The following SORCS3 variants were observed in gnomAD, a reference collection of about 807,000 sequenced individuals.
The protein encoded by SORCS3 is sortilin related VPS10 domain containing receptor 3.
SORCS3 carries 57 observed loss-of-function variants against 146.3 expected under a neutral mutation model. That is an observed-to-expected ratio of 0.39 (90% CI 0.31 to 0.49). SORCS3 has a LOEUF of 0.49. Among genes scored for constraint, SORCS3 ranks in the 20% least tolerant of loss-of-function variants. The pLI, the probability that SORCS3 is intolerant of heterozygous loss-of-function variation, is 0.92. For missense variants in SORCS3, 1,341 were observed against 1,575.5 expected (o/e 0.85, Z 2.52); for synonymous variants, 653 against 618.5 (o/e 1.06, Z -0.83).
At chr10:105,193,489 T>C (rs1224214205) in intron 14 of SORCS3, among the ~76,000 whole-genome samples, 1 of 152,174 alleles carries the variant, frequency 6.6e-6, no homozygotes, top group Non-Finnish European at 1.5e-5. Flanking sequence ...ATCCTTTGTG[T>C]ATAGGGTTAC....
At chr10:104,857,800 A>G (rs2018351592) in intron 2 of SORCS3, among the ~76,000 whole-genome samples, 1 of 152,192 alleles carries the variant, frequency 6.6e-6, no homozygotes. Flanking sequence ...CTGAAAATGT[A>G]GAGTCTCCCT....
At chr10:105,242,315 T>C (rs559812079) in intron 20 of SORCS3, among the ~76,000 whole-genome samples, 1 of 132,606 alleles carries the variant, frequency 7.5e-6, no homozygotes, top group Non-Finnish European at 1.5e-5. Flanking sequence ...TATATTTATA[T>C]ATATATTTAT....
chr10:105,178,866 G>A (rs2056425237), intron 14 of SORCS3, among the ~76,000 whole-genome samples: 2 of 152,102 alleles, frequency 1.3e-5, no homozygotes, highest in Admixed American at 1.3e-4. Context: ...GAGTCTTGTT[G>A]GGCAAAATTA....
chr10:104,719,493 G>C (rs1357787334), intron 1 of SORCS3, among the ~76,000 whole-genome samples: 1 of 152,204 alleles, frequency 6.6e-6, no homozygotes, highest in African/African-American at 2.4e-5. Context: ...AGAATGGAAA[G>C]GTTGTGGAGA....
chr10:105,209,972 C>CT (rs1207505841), intron 16 of SORCS3, among the ~76,000 whole-genome samples: 4 of 152,052 alleles, frequency 2.6e-5, no homozygotes, highest in African/African-American at 9.7e-5. Context: ...ACTGAAAAAC[C>CT]TTTGAGGACA....
chr10:105,262,076 G>C (rs2056964101), intron 25 of SORCS3, among the ~76,000 whole-genome samples: 1 of 152,030 alleles, frequency 6.6e-6, no homozygotes, highest in Admixed American at 6.6e-5. Context: ...ATACCTTCTT[G>C]TTTTTTACCC....
intron 5 of SORCS3, among the ~76,000 whole-genome samples, chr10:105,045,219 C>A (rs2055362970): frequency 6.6e-6 from 1 of 151,990 alleles, no homozygotes; most frequent in Non-Finnish European, 1.5e-5. Flanking sequence ...GCAACATTTT[C>A]CTATATTTTG....
At chr10:105,165,032 G>C (rs144080063) in intron 12 of SORCS3, among the ~76,000 whole-genome samples, 153 of 152,222 alleles carry the variant, frequency 1.0e-3, no homozygotes, top group Non-Finnish European at 1.9e-3. Context: ...TATGACTACT[G>C]TGTCAGAGGA....
chr10:105,228,946 T>G (rs756478809), intron 20 of SORCS3, among the ~76,000 whole-genome samples: 19 of 152,240 alleles, frequency 1.2e-4, no homozygotes, highest in Non-Finnish European at 2.6e-4. Flanking sequence ...GATTTTGTAA[T>G]TATTTCATTT....
chr10:104,985,770 C>T (rs12259960), intron 4 of SORCS3, among the ~76,000 whole-genome samples: 27,123 of 152,066 alleles, frequency 0.18, 2,500 homozygotes, highest in South Asian at 0.25. Flanking sequence ...CTTGAGTGAC[C>T]AGGTGCATTG....
At chr10:104,897,259 A>G (rs1235607914) in intron 2 of SORCS3, among the ~76,000 whole-genome samples, 3 of 152,208 alleles carry the variant, frequency 2.0e-5, no homozygotes, top group African/African-American at 7.2e-5. Context: ...TCCTCATACA[A>G]AACAATTATC....
intron 4 of SORCS3, among the ~76,000 whole-genome samples, chr10:104,989,067 A>C (rs1295003318): frequency 6.6e-6 from 1 of 152,242 alleles, no homozygotes; most frequent in Non-Finnish European, 1.5e-5. Flanking sequence ...CAATTGGCAT[A>C]AGTGAAGTGA....
intron 2 of SORCS3, among the ~76,000 whole-genome samples, chr10:104,847,714 T>C (rs2018222396): frequency 6.6e-6 from 1 of 152,166 alleles, no homozygotes; most frequent in Non-Finnish European, 1.5e-5. Flanking sequence ...AATGATCCCT[T>C]CAATTGGTAG....
At position 104,845,764 on chromosome 10, in the gene SORCS3, T is replaced by A. The variant is rs1411146157; in HGVS notation, c.695+2905T>A. Among the ~76,000 whole-genome samples the A allele has an allele frequency of 5.9e-5, 9 of 152,274 alleles. No homozygotes were observed. In the East Asian group the frequency reaches 1.2e-3, roughly 20 times the overall value. On this transcript the variant is annotated intron_variant, in intron 2 of 26. Coordinates refer to ENST00000369701, the MANE Select transcript of SORCS3 (RefSeq NM_014978.3). ...ATACCAATTTCTGTCTAGTCAAAGATATTCTTTATAGAAAAGATTCTCCAA... is the reference window on the plus strand; with the variant it reads ...ATACCAATTTCTGTCTAGTCAAAGAAATTCTTTATAGAAAAGATTCTCCAA...
At position 105,105,402 on chromosome 10, in the gene SORCS3, C is replaced by G. The variant is rs1358595280; in HGVS notation, c.1099C>G (p.His367Asp). 2 of 1,611,390 alleles carry G rather than the reference C, an allele frequency of 1.2e-6. No homozygotes were observed. Among genetic ancestry groups the G allele is most frequent in the Non-Finnish European group, 1.7e-6 (2 of 1,177,794 alleles). The change falls in exon 7 of 27, where the codon CAC (histidine) becomes GAC (aspartate). Residue 367 changes from histidine (H) to aspartate (D), a missense_variant. Physicochemically the swap from His to Asp is moderately conservative, Grantham distance 81 (BLOSUM62 -1). Transcript: ENST00000369701. ...MEVRTTDGYA[H>D]YLTCRIQECA... ...ACTCTACCCTCCTGTTTCAGATGCT[C>G]ACTACCTCACCTGCAGGATCCAGGA...
At chr10:104,684,161 T>G (rs985606085) in intron 1 of SORCS3, among the ~76,000 whole-genome samples, 3 of 152,072 alleles carry the variant, frequency 2.0e-5, no homozygotes, top group Admixed American at 2.0e-4. Flanking sequence ...TCCAGGGATG[T>G]GACCCTGGAC....
chr10:105,178,940 C>T (rs1013782559), intron 14 of SORCS3, among the ~76,000 whole-genome samples: 11 of 152,234 alleles, frequency 7.2e-5, no homozygotes, highest in African/African-American at 1.9e-4. Context: ...TGTGCTGGTT[C>T]GGTGGAAGGG....
At chr10:105,071,362 A>G (rs941876456) in intron 5 of SORCS3, among the ~76,000 whole-genome samples, 6 of 152,200 alleles carry the variant, frequency 3.9e-5, no homozygotes, top group Non-Finnish European at 7.3e-5. Flanking sequence ...GCTTCCTGGT[A>G]TTGGTCCATC....
intron 2 of SORCS3, among the ~76,000 whole-genome samples, chr10:104,904,353 G>A (rs1361381606): frequency 3.9e-5 from 6 of 152,166 alleles, no homozygotes; most frequent in South Asian, 2.1e-4. Flanking sequence ...ACTGGCCAGA[G>A]TATGTCTGTA....
Sources: allele counts gnomAD v4.1 joint callset (sites outside exome capture counted in the v4.1 genomes callset), GRCh38; gene constraint gnomAD v4.1.1; transcripts MANE v1.5; gene names NCBI Gene and HGNC (gene_info 2026-07-23, HGNC 2026-07-21).